Variants in GULP1 observed in about 807,000 individuals in gnomAD.
GULP1 encodes the protein GULP PTB domain containing engulfment adaptor 1.
A neutral mutation model predicts 40.9 loss-of-function variants in GULP1; 19 were observed. The observed-to-expected ratio is 0.46, with a 90% CI of 0.32 to 0.68. The LOEUF is 0.68. Among genes scored for constraint, GULP1 ranks in the 30% least tolerant of loss-of-function variants. The pLI, the probability that GULP1 is intolerant of heterozygous loss-of-function variation, is 0.03. For missense variants in GULP1, 312 were observed against 362.2 expected (o/e 0.86, Z 1.12); for synonymous variants, 119 against 117.6 (o/e 1.01, Z -0.08).
intron 1 of GULP1, among the ~76,000 whole-genome samples, chr2:188,303,932 TC>T (rs1267760773): frequency 3.9e-5 from 6 of 152,180 alleles, no homozygotes; most frequent in African/African-American, 1.4e-4. Context: ...GGATTACTGT[TC>T]TTTTGGAAAT....
At chr2:188,567,273 A>G (rs1281551625) in intron 7 of GULP1, among the ~76,000 whole-genome samples, 1 of 152,220 alleles carries the variant, frequency 6.6e-6, no homozygotes, top group Non-Finnish European at 1.5e-5. Flanking sequence ...CAGAGATCTC[A>G]TTACTGGGTA....
chr2:188,370,501 C>A (rs999941826), intron 1 of GULP1, among the ~76,000 whole-genome samples: 2 of 152,104 alleles, frequency 1.3e-5, no homozygotes, highest in African/African-American at 4.8e-5. Flanking sequence ...TCATTTAGTT[C>A]ACAATTTTCC....
intron 1 of GULP1, among the ~76,000 whole-genome samples, chr2:188,353,634 C>T (rs920200863): frequency 3.3e-5 from 5 of 151,908 alleles, no homozygotes; most frequent in African/African-American, 1.2e-4. Context: ...TGTGCATGAG[C>T]TGAAGCAGTA....
chr2:188,582,634 C>G (rs1475515752), intron 9 of GULP1: 10 of 416,628 alleles, frequency 2.4e-5, no homozygotes, highest in African/African-American at 2.1e-4. Flanking sequence ...CCAAAATGTG[C>G]TATTTGTAAA....
At chr2:188,342,329 C>T (rs978804439) in intron 1 of GULP1, among the ~76,000 whole-genome samples, 3 of 152,114 alleles carry the variant, frequency 2.0e-5, no homozygotes, top group African/African-American at 7.2e-5. Flanking sequence ...CACATGGCTG[C>T]ATGACTCTAA....
chr2:188,479,543 G>A (rs922082823), intron 3 of GULP1, among the ~76,000 whole-genome samples: 2 of 152,270 alleles, frequency 1.3e-5, no homozygotes. Context: ...CTCCCAAAGT[G>A]TTGGGATTAT....
intron 1 of GULP1, among the ~76,000 whole-genome samples, chr2:188,308,380 T>C (rs1470742128): frequency 1.3e-5 from 2 of 152,166 alleles, no homozygotes; most frequent in Non-Finnish European, 2.9e-5. Context: ...AAAATAATTT[T>C]CCTCAGTATT....
intron 2 of GULP1, among the ~76,000 whole-genome samples, chr2:188,425,441 A>C (rs1173452847): frequency 6.6e-6 from 1 of 152,126 alleles, no homozygotes; most frequent in African/African-American, 2.4e-5. Flanking sequence ...ACTGTGAATC[A>C]GCCATTTGTC....
chr2:188,450,386 C>A (rs1181405535), intron 2 of GULP1, among the ~76,000 whole-genome samples: 16 of 151,988 alleles, frequency 1.1e-4, no homozygotes, highest in Admixed American at 1.0e-3. Context: ...ATATTGTAAG[C>A]ATTCTTTTTA....
intron 7 of GULP1, among the ~76,000 whole-genome samples, chr2:188,561,434 C>G (rs1259638563): frequency 6.6e-6 from 1 of 152,156 alleles, no homozygotes; most frequent in Non-Finnish European, 1.5e-5. Flanking sequence ...GCTGGGTGAG[C>G]CAGTCTTCAG....
At chr2:188,590,360 G>C (rs1210342607) in intron 11 of GULP1, 1 of 152,042 alleles carries the variant, frequency 6.6e-6, no homozygotes, top group Admixed American at 6.5e-5. Context: ...AGTCTATGAT[G>C]GCTTTTATTA....
rs553802421 is a variant in GULP1, at chr2:188,447,591, C to T, written c.-44-30068C>T. 1.8e-4 allele frequency among the ~76,000 whole-genome samples: 27 copies of T among 152,266 alleles called. No homozygotes were observed. In the South Asian group the frequency reaches 4.4e-3, roughly 25 times the overall value. On this transcript the variant is annotated intron_variant, in intron 2 of 11. Coordinates refer to ENST00000409830, the MANE Select transcript of GULP1 (RefSeq NM_016315.4). ...CATTCTGATCCCACTACTTGATTGA[C>T]ACATAAATTTGGCCAAATCATCTTG...
intron 9 of GULP1, among the ~76,000 whole-genome samples, chr2:188,581,741 A>G (rs1701368327): frequency 6.6e-6 from 1 of 152,212 alleles, no homozygotes; most frequent in Non-Finnish European, 1.5e-5. Flanking sequence ...CATGATGACT[A>G]GAGTCAGACT....
intron 1 of GULP1, among the ~76,000 whole-genome samples, chr2:188,341,208 C>T (rs1018696410): frequency 3.3e-5 from 5 of 152,046 alleles, no homozygotes; most frequent in African/African-American, 1.2e-4. Context: ...TCCGGGGAGA[C>T]CTCAGGGAGC....
intron 2 of GULP1, among the ~76,000 whole-genome samples, chr2:188,444,846 A>G (rs964332281): frequency 6.6e-6 from 1 of 152,162 alleles, no homozygotes; most frequent in African/African-American, 2.4e-5. Flanking sequence ...AATATCCTAT[A>G]CTTTCACCTA....
chr2:188,391,110 A>G (rs2050460131), intron 2 of GULP1, among the ~76,000 whole-genome samples: 1 of 151,952 alleles, frequency 6.6e-6, no homozygotes, highest in African/African-American at 2.4e-5. Flanking sequence ...TTCATTTCAT[A>G]TGAATTTCAG....
intron 4 of GULP1, among the ~76,000 whole-genome samples, chr2:188,504,973 C>A (rs1038612731): frequency 2.7e-5 from 4 of 150,680 alleles, no homozygotes; most frequent in Admixed American, 1.3e-4. Context: ...CTTCATTTTG[C>A]TAATTTGTTT....
chr2:188,398,480 A>G (rs1312872923), intron 2 of GULP1, among the ~76,000 whole-genome samples: 1 of 152,226 alleles, frequency 6.6e-6, no homozygotes, highest in African/African-American at 2.4e-5. Context: ...TCACCTATAA[A>G]TGTTAACATT....
intron 2 of GULP1, among the ~76,000 whole-genome samples, chr2:188,398,134 C>A (rs1362243495): frequency 6.6e-6 from 1 of 152,178 alleles, no homozygotes; most frequent in East Asian, 1.9e-4. Context: ...GAGTCAGGGA[C>A]TGATGTGATA....
Sources: allele counts gnomAD v4.1 joint callset (sites outside exome capture counted in the v4.1 genomes callset), GRCh38; gene constraint gnomAD v4.1.1; transcripts MANE v1.5; gene names NCBI Gene and HGNC (gene_info 2026-07-23, HGNC 2026-07-21).